TEX2: variants seen among roughly 807,000 people sequenced by gnomAD.
The protein encoded by TEX2 is testis expressed 2.
A neutral mutation model predicts 106.9 loss-of-function variants in TEX2; 53 were observed. The ratio of observed to expected loss-of-function variants is 0.50; its 90% CI spans 0.40 to 0.62. The LOEUF is 0.62. TEX2 is among the 20% of genes least tolerant of loss of function. The pLI is 0.00. For synonymous variants in TEX2, 523 were observed against 534.8 expected, an observed-to-expected ratio of 0.98 and a Z score of 0.30; for missense variants, 1,207 against 1,379.0, an observed-to-expected ratio of 0.88 and a Z score of 1.98.
chr17:64,150,869 A>G lies in TEX2; in HGVS notation c.3233T>C (p.Ile1078Thr). Reference sequence around the variant, plus strand: ...AAACTCTTGCTCCAGTTTCTTCTCTATCCAGTCTGTCACATGAACTAAAGT... The same window carrying G: ...AAACTCTTGCTCCAGTTTCTTCTCTGTCCAGTCTGTCACATGAACTAAAGT... The part of the protein sequence containing the change: ...EVTLVHVTDW[I>T]EKKLEQEFQK... The change falls in exon 11 of 12, where the codon ATA becomes ACA. Residue 1078 changes from isoleucine (I) to threonine (T), a missense_variant. By Grantham distance (89) the Ile-to-Thr change is moderately conservative (BLOSUM62 -1). Transcript: ENST00000584379. 1.2e-6 allele frequency: 2 copies of G among 1,613,696 alleles called. No homozygotes were observed. The highest frequency in any genetic ancestry group is 1.7e-6 in the Non-Finnish European group (2 of 1,179,870).
chr17:64,193,412 T>TTG lies in TEX2; in HGVS notation c.2176+146_2176+147insCA, dbSNP rs2032363351. On this transcript the variant is annotated intron_variant, in intron 4 of 11. Transcript: ENST00000584379. ...TGCAGTGATCAGCCTAGATGGTAAA[T>TTG]GAGTCATGAGAATGCACATTAGGTG... is the stretch of plus-strand genomic sequence containing the variant. 5.8e-5 allele frequency: 33 copies of TTG among 573,402 alleles called. No homozygotes were observed. In the South Asian group the frequency reaches 1.4e-3, roughly 23 times the overall value. 35.5% of individuals were successfully genotyped at this position (573,402 alleles called of 1,614,324 possible). A position where few individuals can be genotyped will look rare whatever the true frequency, so the allele number is the denominator to read the frequency against.
intron 1 of TEX2, among the ~76,000 whole-genome samples, chr17:64,259,245 A>G (rs1054950937): frequency 2.0e-5 from 3 of 152,122 alleles, no homozygotes; most frequent in African/African-American, 7.2e-5. Context: ...CACCCCACCA[A>G]TGCCAGTCAA....
Position 64,213,688 on chromosome 17 carries a change from G to A in TEX2, c.530C>T (p.Ala177Val). ...PSKSPILSSSASTSTLSSAKP... is the reference protein window; with the variant it reads ...PSKSPILSSSVSTSTLSSAKP... The stretch of plus-strand genomic sequence containing the variant: ...TGCACTGGAAAGGGTGGAGGTTGAG[G>A]CACTGGATGAGAGGATGGGAGACTT... Residue 177 changes from alanine (A) to valine (V), a missense_variant, in exon 2 of 12, where the codon GCC (alanine) becomes GTC (valine). Ala to Val is a moderately conservative substitution (Grantham distance 64). Coordinates refer to ENST00000584379, the MANE Select transcript of TEX2 (RefSeq NM_001288732.2). The surrounding 1 kb of genome is among the most constrained non-coding windows in gnomAD (Gnocchi z 4.4). The A allele has an allele frequency of 6.2e-7, 1 of 1,614,164 alleles. No individual in the cohort carries two copies. Among genetic ancestry groups the A allele is most frequent in the Non-Finnish European group, 8.5e-7 (1 of 1,180,020 alleles).
Position 64,217,066 on chromosome 17 carries a change from C to G in TEX2, c.-25-2824G>C, listed in dbSNP as rs545145096. Among the ~76,000 whole-genome samples, 4 of 152,182 alleles carry G rather than the reference C, an allele frequency of 2.6e-5. No homozygotes were observed. The highest frequency in any genetic ancestry group is 4.4e-5 in the Non-Finnish European group (3 of 68,032). On this transcript the variant is annotated intron_variant, in intron 1 of 11. Coordinates refer to ENST00000584379, the MANE Select transcript of TEX2 (RefSeq NM_001288732.2). The surrounding 1 kb of genome is among the most constrained non-coding windows in gnomAD (Gnocchi z 4.3). ...GAGCATCACTACTGCTCTTTAAATA[C>G]AAGAAAATGTCCAGGCTTCTGTTTG...
intron 2 of TEX2, among the ~76,000 whole-genome samples, chr17:64,198,397 T>C (rs1261161498): frequency 1.3e-5 from 2 of 151,280 alleles, no homozygotes; most frequent in Non-Finnish European, 2.9e-5. Flanking sequence ...CTAAGATACT[T>C]CAGAGGTTGT....
At chr17:64,237,102 C>T (rs1438074563) in intron 1 of TEX2, among the ~76,000 whole-genome samples, 5 of 152,134 alleles carry the variant, frequency 3.3e-5, no homozygotes, top group East Asian at 1.9e-4. Flanking sequence ...AAACCTGATC[C>T]GTTTTGAATA....
In TEX2 at chr17:64,168,854, G is replaced by A. The variant is rs148008065; in HGVS notation, c.2671+2246C>T. On this transcript the variant is annotated intron_variant, in intron 7 of 11. Coordinates refer to ENST00000584379, the MANE Select transcript of TEX2 (RefSeq NM_001288732.2). ...GGAAGAAAGGTAGCAGCTGTACACT[G>A]ATGGAGTGAAGATGCTAGCTAGCTA... 1.9e-3 allele frequency among the ~76,000 whole-genome samples: 280 copies of A among 149,910 alleles called. 1 individual carries two copies. The highest frequency in any genetic ancestry group is 6.3e-3 in the African/African-American group (257 of 40,918).
At chr17:64,251,578 T>C (rs1555637004) in intron 1 of TEX2, among the ~76,000 whole-genome samples, 1 of 152,182 alleles carries the variant, frequency 6.6e-6, no homozygotes, top group Non-Finnish European at 1.5e-5. Context: ...AACTTCAAAG[T>C]TCCCGGGGAA....
Position 64,213,113 on chromosome 17 carries a change from G to T in TEX2, c.1105C>A (p.His369Asn). 1 of 1,614,140 alleles carries T rather than the reference G, an allele frequency of 6.2e-7. No individual in the cohort carries two copies. The highest frequency in any genetic ancestry group is 1.3e-5 in the African/African-American group (1 of 75,020). ...GTGGGCTCACCAGTGGACTTTGGGT[G>T]GTCACTTCTGGGGATGTTGGAATCA... ...GSDSNIPRSD[H>N]PKSTGEPTRE... Residue 369 changes from histidine (H) to asparagine (N), a missense_variant, in exon 2 of 12, where the codon CAC (histidine) becomes AAC (asparagine). Physicochemically the swap from His to Asn is moderately conservative, Grantham distance 68 (BLOSUM62 1). This residue lies in a region of TEX2 where 1,067 missense variants were observed against 1,193.6 expected (regional missense o/e 0.89). Coordinates refer to ENST00000584379, the MANE Select transcript of TEX2 (RefSeq NM_001288732.2). The surrounding 1 kb of genome is among the most constrained non-coding windows in gnomAD (Gnocchi z 4.4).
intron 1 of TEX2, among the ~76,000 whole-genome samples, chr17:64,229,034 G>T (rs2033591309): frequency 1.3e-5 from 2 of 151,814 alleles, no homozygotes; most frequent in Admixed American, 1.3e-4. Context: ...ATAGAAATTT[G>T]CAGGGTTTCC....
chr17:64,172,610 G>A (rs1015513967), intron 6 of TEX2, among the ~76,000 whole-genome samples: 1 of 152,180 alleles, frequency 6.6e-6, no homozygotes, highest in East Asian at 1.9e-4. Context: ...AACACAGGAA[G>A]CCTCTCCACA....
chr17:64,159,636 C>G (rs1353721209), intron 8 of TEX2, among the ~76,000 whole-genome samples: 4 of 152,092 alleles, frequency 2.6e-5, no homozygotes, highest in Admixed American at 6.5e-5. Flanking sequence ...TGGGACCGAA[C>G]AAGACTCAGA....
In TEX2 at chr17:64,227,811, A is replaced by C. The variant is rs1424092169; in HGVS notation, c.-25-13569T>G. 3.9e-5 allele frequency among the ~76,000 whole-genome samples: 6 copies of C among 152,368 alleles called. No homozygotes were observed. The East Asian group carries it at 1.2e-3, about 29-fold the overall frequency. ...ATCTGTAAAATGGGAATGGCAACTGACTGTTCAGAAGATTAAACGAAACAA... is the reference window on the plus strand; with the variant it reads ...ATCTGTAAAATGGGAATGGCAACTGCCTGTTCAGAAGATTAAACGAAACAA... On this transcript the variant is annotated intron_variant, in intron 1 of 11. Transcript: ENST00000584379.
chr17:64,201,021 G>A (rs2032642485), intron 2 of TEX2, among the ~76,000 whole-genome samples: 1 of 152,164 alleles, frequency 6.6e-6, no homozygotes, highest in Non-Finnish European at 1.5e-5. Flanking sequence ...ATCAGGATTT[G>A]AATTACACAT....
intron 2 of TEX2, among the ~76,000 whole-genome samples, chr17:64,202,409 A>G (rs1020749529): frequency 2.0e-5 from 3 of 152,192 alleles, no homozygotes; most frequent in African/African-American, 7.2e-5. Context: ...TCACACTCCT[A>G]CTGACCTGAA....
At chr17:64,204,669 T>A (rs74807979) in intron 2 of TEX2, among the ~76,000 whole-genome samples, 1 of 152,180 alleles carries the variant, frequency 6.6e-6, no homozygotes, top group Non-Finnish European at 1.5e-5. Flanking sequence ...AAAAACACGC[T>A]CATGCCCTAG....
At position 64,169,280 on chromosome 17, in the gene TEX2, C is replaced by A. The variant is rs189338891; in HGVS notation, c.2671+1820G>T. Among the ~76,000 whole-genome samples, 16 of 152,300 alleles carry A rather than the reference C, an allele frequency of 1.1e-4. 1 individual carries two copies. The highest frequency in any genetic ancestry group is 8.5e-4 in the Admixed American group (13 of 15,306). On this transcript the variant is annotated intron_variant, in intron 7 of 11. Coordinates refer to ENST00000584379, the MANE Select transcript of TEX2 (RefSeq NM_001288732.2). Reference sequence around the variant, plus strand: ...TCTTGAACTCCTGGTCTCAAGTGATCTACCTGCCTTGGCCTTTAAAAGTGC... The same window carrying A: ...TCTTGAACTCCTGGTCTCAAGTGATATACCTGCCTTGGCCTTTAAAAGTGC...
At chr17:64,239,996 T>A (rs1416037040) in intron 1 of TEX2, among the ~76,000 whole-genome samples, 3 of 150,064 alleles carry the variant, frequency 2.0e-5, no homozygotes, top group African/African-American at 7.3e-5. Flanking sequence ...AAATAAGGAC[T>A]CTAGGTGTGC....
At chr17:64,179,567 T>C (rs1183847447) in intron 5 of TEX2, among the ~76,000 whole-genome samples, 2 of 152,160 alleles carry the variant, frequency 1.3e-5, no homozygotes, top group Non-Finnish European at 2.9e-5. Flanking sequence ...CGAGACTTCA[T>C]TCTTGAAGTC....
Sources: gnomAD v4.1 joint callset for allele counts (sites outside exome capture counted in the v4.1 genomes callset) on GRCh38, gnomAD v4.1.1 for gene constraint, gnomAD v4.1.1 regional missense constraint, Gnocchi (gnomAD v3.1) non-coding constraint, MANE v1.5 for transcripts, NCBI Gene and HGNC (gene_info 2026-07-23, HGNC 2026-07-21) for gene names.